BBS2: variants seen among roughly 807,000 people sequenced by gnomAD.
The protein encoded by BBS2 is BBSome complex member BBS2.
BBS2 carries 62 observed loss-of-function variants against 83.0 expected under a neutral mutation model. That is an observed-to-expected ratio of 0.75 (90% confidence interval 0.61 to 0.92). The LOEUF is 0.92. BBS2 is among the 40% of genes least tolerant of loss of function. The pLI is 0.00. For missense variants in BBS2, 784 were observed against 901.0 expected (o/e 0.87, Z 1.66); for synonymous variants, 303 against 326.1 (o/e 0.93, Z 0.76).
At chr16:56,498,013 A>C in intron 13 of BBS2, 133 bp from the exon 14 acceptor site, 2 of 961,616 alleles carry the variant, frequency 2.1e-6, no homozygotes, top group Non-Finnish European at 3.1e-6. Flanking sequence ...TGAAAAAGGA[A>C]AGTTTAGCTC....
intron 15 of BBS2, among the ~76,000 whole-genome samples, chr16:56,492,205 G>A (rs1963975408): frequency 6.6e-6 from 1 of 152,000 alleles, no homozygotes; most frequent in Non-Finnish European, 1.5e-5. Context: ...AGACCTATTA[G>A]CACTCCCACG....
chr16:56,487,031 T>G (rs1963802708), intron 15 of BBS2, among the ~76,000 whole-genome samples: 1 of 152,142 alleles, frequency 6.6e-6, no homozygotes, highest in Non-Finnish European at 1.5e-5. Context: ...CCCAAAATGC[T>G]GGGATTACAA....
chr16:56,475,519 A>C (rs1963424621), intron 17 of BBS2: 2 of 1,613,958 alleles, frequency 1.2e-6, no homozygotes, highest in African/African-American at 1.3e-5. Context: ...TGGGAGCCAG[A>C]ATATGGCGGT....
intron 2 of BBS2, among the ~76,000 whole-genome samples, chr16:56,511,527 A>G (rs1206745264): frequency 6.6e-6 from 1 of 152,160 alleles, no homozygotes; most frequent in Admixed American, 6.5e-5. Flanking sequence ...TTAATAGAAA[A>G]AAGACTGACC....
At chr16:56,494,470 C>G (rs1007799442) in intron 15 of BBS2, among the ~76,000 whole-genome samples, 2 of 152,088 alleles carry the variant, frequency 1.3e-5, no homozygotes, top group Non-Finnish European at 2.9e-5. Flanking sequence ...ACCATGATCT[C>G]TAAATACCAT....
intron 5 of BBS2, chr16:56,509,498 C>A: frequency 5.4e-6 from 1 of 186,484 alleles, no homozygotes; most frequent in Non-Finnish European, 1.1e-5. Flanking sequence ...TAAAACTCTG[C>A]CTCAAAACAA....
intron 13 of BBS2, 103 bp downstream of exon 13, chr16:56,498,334 T>A (rs1446576890): frequency 1.8e-5 from 26 of 1,463,434 alleles, no homozygotes; most frequent in Admixed American, 1.4e-4. Context: ...GACTGAATGG[T>A]AAACACCACA....
chr16:56,508,912 G>A (rs1411646937), intron 5 of BBS2, among the ~76,000 whole-genome samples: 7 of 152,070 alleles, frequency 4.6e-5, no homozygotes, highest in African/African-American at 1.7e-4. Flanking sequence ...GCCTCCCAAA[G>A]CACTGGGATT....
At chr16:56,486,825 C>T (rs949837279) in intron 15 of BBS2, among the ~76,000 whole-genome samples, 2 of 146,238 alleles carry the variant, frequency 1.4e-5, no homozygotes, top group Non-Finnish European at 3.0e-5. Flanking sequence ...TGCAATGGCA[C>T]GATCTCGGAT....
rs189431371 is a variant in BBS2, at chr16:56,514,697, T to G, written c.118-17A>C. The G allele has an allele frequency of 1.3e-6, 2 of 1,561,260 alleles. No individual in the cohort carries two copies. Among genetic ancestry groups the G allele is most frequent in the East Asian group, 2.2e-5 (1 of 44,550 alleles). ...AATAAAAACCTGAAACAAAAATAAC[T>G]AATTACATTCCCTTAAAATATAAAA... On this transcript the variant is annotated splice_polypyrimidine_tract_variant and intron_variant, in intron 1 of 16. Coordinates refer to ENST00000245157, the MANE Select transcript of BBS2 (RefSeq NM_031885.5).
intron 15 of BBS2, among the ~76,000 whole-genome samples, chr16:56,488,685 A>G (rs1184539291): frequency 2.0e-5 from 3 of 152,108 alleles, no homozygotes; most frequent in Non-Finnish European, 4.4e-5. Flanking sequence ...ACCACTGGCC[A>G]TAGGTGATCA....
chr16:56,480,572 G>A (rs1428270827), downstream of BBS2, among the ~76,000 whole-genome samples: 1 of 152,006 alleles, frequency 6.6e-6, no homozygotes, highest in African/African-American at 2.4e-5. Flanking sequence ...TGTATTTTTA[G>A]TAGAGATGGG....
At chr16:56,497,491 A>T (rs1273097377) in intron 14 of BBS2, 1 of 552,972 alleles carries the variant, frequency 1.8e-6, no homozygotes, top group African/African-American at 1.9e-5. Flanking sequence ...CTAACAAAGG[A>T]AAATGTTAAT....
chr16:56,492,551 C>G (rs532877936), intron 15 of BBS2, among the ~76,000 whole-genome samples: 71 of 152,182 alleles, frequency 4.7e-4, no homozygotes, highest in Non-Finnish European at 6.8e-4. Flanking sequence ...CAAGAAGAAT[C>G]AGCTCTAAAG....
At chr16:56,471,197 CA>C (rs61143039) in intron 17 of BBS2, among the ~76,000 whole-genome samples, 403 of 132,658 alleles carry the variant, frequency 3.0e-3, no homozygotes, top group Admixed American at 3.0e-3. Flanking sequence ...ACTAAAAATA[CA>C]AAAAAAAAAA....
chr16:56,509,618 A>G, intron 5 of BBS2: 1 of 260,288 alleles, frequency 3.8e-6, no homozygotes, highest in Non-Finnish European at 7.6e-6. Flanking sequence ...TACTTCATAT[A>G]AAGTACTTAG....
chr16:56,509,783 G>T, intron 5 of BBS2, 174 bp downstream of exon 5: 4 of 605,750 alleles, frequency 6.6e-6, no homozygotes, highest in South Asian at 2.0e-5. Flanking sequence ...TCTTAATTAG[G>T]ATTTTTATTG....
chr16:56,502,075 C>T (rs1964291469), intron 9 of BBS2: 1 of 570,442 alleles, frequency 1.8e-6, no homozygotes, highest in South Asian at 1.9e-5. Flanking sequence ...CAGCTGTTTT[C>T]ACTGCTATAA....
At chr16:56,470,598 G>A (rs1265075006) in exon 18 of BBS2, 1 of 1,614,060 alleles carries the variant, frequency 6.2e-7, no homozygotes, top group Non-Finnish European at 8.5e-7. Context: ...CAGGCCTGAA[G>A]CTTCATTTCT....
Sources: allele counts gnomAD v4.1 joint callset (sites outside exome capture counted in the v4.1 genomes callset), GRCh38; gene constraint gnomAD v4.1.1; transcripts MANE v1.5; gene names NCBI Gene and HGNC (gene_info 2026-07-23, HGNC 2026-07-21).